The following ZNF530 variants were observed in gnomAD, a reference collection of about 807,000 sequenced individuals.
ZNF530 encodes the protein zinc finger protein 530.
ZNF530 carries 5 observed loss-of-function variants against 2.8 expected under a neutral mutation model. That is an observed-to-expected ratio of 1.80 (90% CI 0.94 to 3.78). ZNF530 has a LOEUF of 3.78. Ranked by LOEUF, ZNF530 falls within the 30% of genes most tolerant of loss-of-function variation. The pLI, the probability that ZNF530 is intolerant of heterozygous loss-of-function variation, is 0.00. For synonymous variants in ZNF530, 229 were observed against 235.0 expected (o/e 0.97, Z 0.23); for missense variants, 619 against 673.3 (o/e 0.92, Z 0.89).
At chr19:57,610,409 C>CAT (rs146083746), downstream of ZNF530, among the ~76,000 whole-genome samples, 11,211 of 118,996 alleles carry the variant, frequency 0.094, 673 homozygotes, top group African/African-American at 0.21. Context: ...CAAAAGTGTA[C>CAT]ATATGTGTGT....
rs143052048 is a variant in ZNF530 at position 57,605,538 on chromosome 19, G to A, written c.62-148G>A. ...CATCTCATAAGGCCTCCCTTGTTCT[G>A]TGACTTGTAGAGGCTTTTTTCCACA... On this transcript the variant is annotated intron_variant, in intron 3 of 3. Transcript: ENST00000597700. The A allele has an allele frequency of 2.6e-5, 19 of 717,896 alleles. No individual in the cohort carries two copies. In the East Asian group the frequency reaches 4.7e-4, roughly 18 times the overall value. The allele number at this position is 717,896 out of a possible 1,614,324, so 44.5% of individuals were successfully genotyped here. A position where few individuals can be genotyped will look rare whatever the true frequency, so the allele number is the denominator to read the frequency against.
chr19:57,610,927 A>G (rs1038497682), downstream of ZNF530, among the ~76,000 whole-genome samples: 1 of 152,056 alleles, frequency 6.6e-6, no homozygotes, highest in Non-Finnish European at 1.5e-5. Flanking sequence ...AAGCATATGT[A>G]TTAATCATGG....
chr19:57,612,404 A>C (rs761129165), downstream of ZNF530: 35 of 398,958 alleles, frequency 8.8e-5, 1 homozygote, highest in Non-Finnish European at 4.4e-6. Context: ...TTCCTTGAAT[A>C]TTTCTTAGAA....
At chr19:57,610,389 G>T (rs1816299717), downstream of ZNF530, among the ~76,000 whole-genome samples, 1 of 151,446 alleles carries the variant, frequency 6.6e-6, no homozygotes, top group South Asian at 2.1e-4. Flanking sequence ...CATTGATAGG[G>T]TGATGATTTC....
At chr19:57,604,126 T>C (rs1333156194) in intron 2 of ZNF530, 151 bp from the exon 3 acceptor site, 1 of 1,007,498 alleles carries the variant, frequency 9.9e-7, no homozygotes, top group African/African-American at 1.6e-5. Flanking sequence ...AATGAGACCA[T>C]GAGAGAGTAG....
chr19:57,600,488 TA>T (rs1307725670), intron 1 of ZNF530, among the ~76,000 whole-genome samples: 1 of 152,198 alleles, frequency 6.6e-6, no homozygotes, highest in South Asian at 2.1e-4. Flanking sequence ...GTCACGCTTC[TA>T]AAAGTTTCAC....
At chr19:57,603,749 G>A (rs1351147589) in intron 2 of ZNF530, among the ~76,000 whole-genome samples, 1 of 152,220 alleles carries the variant, frequency 6.6e-6, no homozygotes, top group Non-Finnish European at 1.5e-5. Flanking sequence ...TGGCAGTAGG[G>A]ACCATCATAG....
At chr19:57,605,394 A>G in intron 3 of ZNF530, 1 of 296,298 alleles carries the variant, frequency 3.4e-6, no homozygotes, top group Non-Finnish European at 6.3e-6. Context: ...TCTTCTGTGC[A>G]GTGTACCGAA....
At chr19:57,601,246 A>G (rs919451187) in intron 2 of ZNF530, among the ~76,000 whole-genome samples, 1 of 152,214 alleles carries the variant, frequency 6.6e-6, no homozygotes, top group Non-Finnish European at 1.5e-5. Flanking sequence ...AGTTGGTAGC[A>G]ATACCAAAGA....
chr19:57,604,367 G>T lies in ZNF530; in HGVS notation c.22G>T (p.Asp8Tyr), dbSNP rs146090269. 9 of 1,613,912 alleles carry T rather than the reference G, an allele frequency of 5.6e-6. No individual in the cohort carries two copies. The highest frequency in any genetic ancestry group is 7.6e-6 in the Non-Finnish European group (9 of 1,179,972). Reference sequence around the variant, plus strand: ...TGAGATGCAGAGGCTCCTGTACCGCGATGTGATGCTGGAGAACTTTGCAGT... The same window carrying T: ...TGAGATGCAGAGGCTCCTGTACCGCTATGTGATGCTGGAGAACTTTGCAGT... MQRLLYR[D>Y]VMLENFAVMA... Residue 8 changes from aspartate (D) to tyrosine (Y), a missense_variant, in exon 3 of 4, where the codon GAT becomes TAT. Coordinates refer to ENST00000597700, the MANE Select transcript of ZNF530 (RefSeq NM_001321981.2).
In ZNF530 at chr19:57,607,657, T is replaced by C. The variant is rs981243489; in HGVS notation, c.*332T>C. 1.2e-5 allele frequency: 3 copies of C among 253,198 alleles called. No homozygotes were observed. The highest frequency in any genetic ancestry group is 2.3e-5 in the Non-Finnish European group (3 of 132,132). 15.7% of individuals were successfully genotyped at this position (253,198 alleles called of 1,614,324 possible). A position where few individuals can be genotyped will look rare whatever the true frequency, so the allele number is the denominator to read the frequency against. Reference sequence around the variant, plus strand: ...ACCATGTCCGGCTTGTGTTGTGACATTTAACACAAGATTTCCCAAAGAAGA... The same window carrying C: ...ACCATGTCCGGCTTGTGTTGTGACACTTAACACAAGATTTCCCAAAGAAGA... On this transcript the variant is annotated 3_prime_UTR_variant, in exon 4 of 4. Transcript: ENST00000597700.
rs973277343 is a variant in ZNF530, at chr19:57,609,889, C to G, written c.*2564C>G. On this transcript the variant is annotated 3_prime_UTR_variant, in exon 4 of 4. Transcript: ENST00000597700. ...TGATCCAGTAGCAATCCTCTTAACG[C>G]TGATGGAAATGGCCTTCATTGCTCA... 6.6e-6 allele frequency among the ~76,000 whole-genome samples: 1 copy of G among 152,090 alleles called. No homozygotes were observed. The highest frequency in any genetic ancestry group is 1.5e-5 in the Non-Finnish European group (1 of 68,032).
intron 3 of ZNF530, chr19:57,605,464 C>T (rs1980459031): frequency 8.2e-6 from 4 of 489,950 alleles, no homozygotes; most frequent in Non-Finnish European, 1.4e-5. Flanking sequence ...AATAGTGAGT[C>T]AGAGACCCTA....
chr19:57,601,878 G>C (rs1980258935), intron 2 of ZNF530, among the ~76,000 whole-genome samples: 1 of 152,166 alleles, frequency 6.6e-6, no homozygotes, highest in African/African-American at 2.4e-5. Flanking sequence ...TCTCTTTTTA[G>C]CAACCAGGTC....
rs151225498 is a variant in ZNF530, at chr19:57,605,731, G to C, written c.107G>C (p.Ser36Thr). 2.7e-3 allele frequency: 4,400 copies of C among 1,614,080 alleles called. 11 individuals carry two copies. The highest frequency in any genetic ancestry group is 3.3e-3 in the South Asian group (297 of 91,074). Residue 36 changes from serine to threonine, a missense_variant, in exon 4 of 4, where the codon AGC becomes ACC. Ser to Thr is a moderately conservative substitution (Grantham distance 58). Coordinates refer to ENST00000597700, the MANE Select transcript of ZNF530 (RefSeq NM_001321981.2). ...GATGAGGGGACGCCTTCTGCAGAGA[G>C]CGTTTCTGTGGAAGAACTGTCACAG... The part of the protein sequence containing the change: ...AVDEGTPSAE[S>T]VSVEELSQGR...
chr19:57,605,922 C>T lies in ZNF530; in HGVS notation c.298C>T (p.Leu100Phe). Reference protein sequence around the residue: ...ASRDFWMSSNLHQLQKLDNGE... With the variant: ...ASRDFWMSSNFHQLQKLDNGE... ...AAGAGATTTCTGGATGAGTTCAAACCTTCACCAGCTCCAGAAGCTTGATAA... is the reference window on the plus strand; with the variant it reads ...AAGAGATTTCTGGATGAGTTCAAACTTTCACCAGCTCCAGAAGCTTGATAA... The change falls in exon 4 of 4, where the codon CTT (leucine) becomes TTT (phenylalanine). Residue 100 changes from leucine to phenylalanine, a missense_variant. By Grantham distance (22) the Leu-to-Phe change is conservative. Transcript: ENST00000597700. The T allele has an allele frequency of 6.2e-7, 1 of 1,614,190 alleles. No individual in the cohort carries two copies. Among genetic ancestry groups the T allele is most frequent in the Non-Finnish European group, 8.5e-7 (1 of 1,180,042 alleles).
rs761306270 is a variant in ZNF530 at position 57,605,985 on chromosome 19, T to G, written c.361T>G (p.Ser121Ala). 6.2e-7 allele frequency: 1 copy of G among 1,614,212 alleles called. No individual in the cohort carries two copies. The change falls in exon 4 of 4, where the codon TCA becomes GCA. Residue 121 changes from serine (S) to alanine (A), a missense_variant. Ser to Ala is a moderately conservative substitution (Grantham distance 99). Coordinates refer to ENST00000597700, the MANE Select transcript of ZNF530 (RefSeq NM_001321981.2). Reference protein sequence around the residue: ...KLFKVDGDQASFMMNCRFHVS... With the variant: ...KLFKVDGDQAAFMMNCRFHVS... The stretch of plus-strand genomic sequence containing the variant: ...CTTTAAAGTGGATGGGGACCAGGCC[T>G]CATTTATGATGAACTGCAGGTTCCA...
At chr19:57,602,666 A>G (rs988778159) in intron 2 of ZNF530, among the ~76,000 whole-genome samples, 1 of 152,198 alleles carries the variant, frequency 6.6e-6, no homozygotes, top group African/African-American at 2.4e-5. Context: ...ATGAAGGATG[A>G]GTGAATATAA....
chr19:57,604,240 A>C, intron 2 of ZNF530, 37 bp from the exon 3 acceptor site: 2 of 1,612,874 alleles, frequency 1.2e-6, no homozygotes, highest in African/African-American at 2.7e-5. Context: ...GGTCCTAGGA[A>C]AGATGCTGAC....
Sources: allele counts gnomAD v4.1 joint callset (sites outside exome capture counted in the v4.1 genomes callset), GRCh38; gene constraint gnomAD v4.1.1; transcripts MANE v1.5; gene names NCBI Gene and HGNC (gene_info 2026-07-23, HGNC 2026-07-21).